INPP5B: variants seen among roughly 807,000 people sequenced by gnomAD.
INPP5B encodes the protein type II inositol 1,4,5-trisphosphate 5-phosphatase.
INPP5B carries 90 observed loss-of-function variants against 118.5 expected under a neutral mutation model. The observed-to-expected ratio is 0.76, with a 90% CI of 0.64 to 0.90. The LOEUF is 0.90. INPP5B is among the 40% of genes least tolerant of loss of function. INPP5B has a pLI of 0.00. For missense variants in INPP5B, 984 were observed against 1,125.6 expected (o/e 0.87, Z 1.80); for synonymous variants, 385 against 418.9 (o/e 0.92, Z 0.99).
intron 6 of INPP5B, among the ~76,000 whole-genome samples, chr1:37,937,345 T>C (rs1314068681): frequency 1.3e-5 from 2 of 151,192 alleles, no homozygotes; most frequent in Non-Finnish European, 2.9e-5. Context: ...TAAAAGTAAA[T>C]GAGAGGCTGG....
intron 7 of INPP5B, among the ~76,000 whole-genome samples, chr1:37,923,851 C>T (rs1413916793): frequency 6.6e-6 from 1 of 151,672 alleles, no homozygotes; most frequent in East Asian, 2.0e-4. Flanking sequence ...TCTCTGCTCA[C>T]TGCAACCTCT....
At chr1:37,882,437 C>A (rs1643262833) in intron 14 of INPP5B, among the ~76,000 whole-genome samples, 1 of 152,194 alleles carries the variant, frequency 6.6e-6, no homozygotes, top group South Asian at 2.1e-4. Flanking sequence ...ACGAGAAGCA[C>A]AGAGGAGAAG....
At chr1:37,931,209 C>G (rs1645444099) in intron 7 of INPP5B, 1 of 336,474 alleles carries the variant, frequency 3.0e-6, no homozygotes, top group Admixed American at 4.5e-5. Context: ...GCCCTGTACA[C>G]TGCGCTATCA....
At chr1:37,875,061 C>T (rs1478172467) in intron 17 of INPP5B, among the ~76,000 whole-genome samples, 1 of 152,116 alleles carries the variant, frequency 6.6e-6, no homozygotes, top group East Asian at 1.9e-4. Context: ...AAAATCAAAA[C>T]ACATTTTGAA....
At chr1:37,887,508 G>A (rs1012194946) in intron 10 of INPP5B, 43 bp from the exon 11 acceptor site, 2 of 1,164,698 alleles carry the variant, frequency 1.7e-6, no homozygotes, top group Admixed American at 1.8e-5. Context: ...GAAAAGTAAT[G>A]TGCAAATGAC....
At chr1:37,922,469 TGGGA>T (rs1645091448) in intron 7 of INPP5B, among the ~76,000 whole-genome samples, 2 of 151,812 alleles carry the variant, frequency 1.3e-5, no homozygotes, top group African/African-American at 4.8e-5. Context: ...CCCAGCACTT[TGGGA>T]GGCCGAGGTC....
At chr1:37,870,934 C>T (rs796927636) in intron 19 of INPP5B, among the ~76,000 whole-genome samples, 16 of 152,198 alleles carry the variant, frequency 1.1e-4, no homozygotes, top group African/African-American at 3.9e-4. Context: ...GTGGGTGGAT[C>T]AGCTGAGGTC....
intron 16 of INPP5B, among the ~76,000 whole-genome samples, chr1:37,877,512 G>T (rs897645871): frequency 6.6e-6 from 1 of 152,186 alleles, no homozygotes. Context: ...TACATGGTTG[G>T]TAGAAGTATA....
chr1:37,861,997 C>T lies in INPP5B; in HGVS notation c.*318G>A. 4.9e-6 allele frequency: 1 copy of T among 202,938 alleles called. No homozygotes were observed. The highest frequency in any genetic ancestry group is 1.0e-5 in the Non-Finnish European group (1 of 99,504). 12.6% of individuals were successfully genotyped at this position (202,938 alleles called of 1,614,324 possible). On this transcript the variant is annotated 3_prime_UTR_variant, in exon 24 of 24. Coordinates refer to ENST00000373024, the MANE Select transcript of INPP5B (RefSeq NM_005540.3). ...GTTGCAGTGAGCCGAGATCGTGCCA[C>T]CGCACTCCACCCTGCGCGACAGAGC...
intron 6 of INPP5B, among the ~76,000 whole-genome samples, chr1:37,934,310 G>T (rs1177043746): frequency 6.6e-6 from 1 of 152,036 alleles, no homozygotes; most frequent in African/African-American, 2.4e-5. Context: ...TGTAAAACAG[G>T]ATATCTACTT....
intron 7 of INPP5B, among the ~76,000 whole-genome samples, chr1:37,899,301 C>T (rs1465543276): frequency 6.6e-6 from 1 of 152,048 alleles, no homozygotes; most frequent in Non-Finnish European, 1.5e-5. Context: ...TGGCTCACAC[C>T]TGTAATCCCA....
At chr1:37,882,034 G>C (rs2148494167) in intron 14 of INPP5B, among the ~76,000 whole-genome samples, 1 of 152,018 alleles carries the variant, frequency 6.6e-6, no homozygotes, top group African/African-American at 2.4e-5. Flanking sequence ...AGCAGGCAGA[G>C]GTTGCAGCGA....
chr1:37,910,128 G>C (rs1644642026), intron 7 of INPP5B, among the ~76,000 whole-genome samples: 1 of 152,226 alleles, frequency 6.6e-6, no homozygotes, highest in African/African-American at 2.4e-5. Context: ...GCTGAAGACT[G>C]ACACTGCCCG....
At chr1:37,863,170 C>T (rs1028622083) in intron 23 of INPP5B, among the ~76,000 whole-genome samples, 3 of 151,654 alleles carry the variant, frequency 2.0e-5, no homozygotes, top group African/African-American at 7.3e-5. Flanking sequence ...CCCACTGGCT[C>T]CCAGCCCTCT....
Position 37,874,158 on chromosome 1 carries a change from G to A in INPP5B, c.1789-3C>T. 4 of 1,556,476 alleles carry A rather than the reference G, an allele frequency of 2.6e-6. No individual in the cohort carries two copies. Among genetic ancestry groups the A allele is most frequent in the South Asian group, 2.3e-5 (2 of 85,664 alleles). On this transcript the variant is annotated splice_polypyrimidine_tract_variant and splice_region_variant and intron_variant, in intron 17 of 23. Transcript: ENST00000373024. ...TACTTCACATTCTGAAAACAGAACT[G>A]GGAAGAAGCCCGGGGCCAGTGAAAA...
chr1:37,915,339 C>G (rs1644829142), intron 7 of INPP5B, among the ~76,000 whole-genome samples: 1 of 152,212 alleles, frequency 6.6e-6, no homozygotes, highest in Non-Finnish European at 1.5e-5. Context: ...AGGCAATACC[C>G]AGTTAATCAA....
intron 7 of INPP5B, among the ~76,000 whole-genome samples, chr1:37,922,280 T>C (rs113093112): frequency 0.022 from 3,357 of 151,766 alleles, 127 homozygotes; most frequent in African/African-American, 0.077. Context: ...TCCCAGCTAC[T>C]TGGGAGGCTG....
chr1:37,906,247 G>A (rs1290806572), intron 7 of INPP5B, among the ~76,000 whole-genome samples: 1 of 152,154 alleles, frequency 6.6e-6, no homozygotes, highest in Non-Finnish European at 1.5e-5. Context: ...GGTAATTAAA[G>A]AATGTCACTT....
At chr1:37,914,211 T>TA (rs1431258000) in intron 7 of INPP5B, among the ~76,000 whole-genome samples, 2 of 152,164 alleles carry the variant, frequency 1.3e-5, no homozygotes. Flanking sequence ...CAAGAAATTT[T>TA]AAAAAATTAA....
Sources: gnomAD v4.1 joint callset for allele counts (sites outside exome capture counted in the v4.1 genomes callset) on GRCh38, gnomAD v4.1.1 for gene constraint, MANE v1.5 for transcripts, NCBI Gene and HGNC (gene_info 2026-07-23, HGNC 2026-07-21) for gene names.